The following CNTNAP2 variants were observed in gnomAD, a reference collection of about 807,000 sequenced individuals.
CNTNAP2 encodes the protein contactin associated protein 2.
CNTNAP2 carries 98 observed loss-of-function variants against 155.2 expected under a neutral mutation model. The ratio of observed to expected loss-of-function variants is 0.63; its 90% CI spans 0.54 to 0.75. The LOEUF is 0.75. Ranked by LOEUF, CNTNAP2 falls within the 30% of genes least tolerant of loss-of-function variation. The probability of loss-of-function intolerance (pLI) is 0.00; values close to 1 mark genes in which losing one functional copy is unlikely to be tolerated. For synonymous variants in CNTNAP2, 651 were observed against 631.2 expected, an observed-to-expected ratio of 1.03 and a Z score of -0.47; for missense variants, 1,727 against 1,688.1, an observed-to-expected ratio of 1.02 and a Z score of -0.40.
chr7:146,936,822 C>T (rs910559999), intron 3 of CNTNAP2, among the ~76,000 whole-genome samples: 6 of 152,168 alleles, frequency 3.9e-5, no homozygotes, highest in Non-Finnish European at 7.3e-5. Flanking sequence ...TTCTGTAGGC[C>T]ACTTCCCTTT....
intron 8 of CNTNAP2, among the ~76,000 whole-genome samples, chr7:147,280,440 G>A (rs1299291776): frequency 2.6e-5 from 4 of 151,866 alleles, no homozygotes; most frequent in East Asian, 1.9e-4. Flanking sequence ...ACTCGTTTAC[G>A]AAAATGCCAA....
intron 15 of CNTNAP2, among the ~76,000 whole-genome samples, chr7:148,055,128 C>A (rs1802983051): frequency 6.6e-6 from 1 of 152,166 alleles, no homozygotes; most frequent in Admixed American, 6.5e-5. Context: ...AGGTGATCTG[C>A]CTGCCTCGGC....
chr7:147,291,349 T>A (rs1205811823), intron 8 of CNTNAP2, among the ~76,000 whole-genome samples: 1 of 152,054 alleles, frequency 6.6e-6, no homozygotes, highest in Non-Finnish European at 1.5e-5. Context: ...GGCCCCGGTG[T>A]GTGATGTTCC....
chr7:147,211,540 G>A (rs1803146023), intron 8 of CNTNAP2, among the ~76,000 whole-genome samples: 1 of 151,910 alleles, frequency 6.6e-6, no homozygotes. Context: ...TCTTTGACAA[G>A]TCACCAAAAA....
intron 13 of CNTNAP2, among the ~76,000 whole-genome samples, chr7:147,732,483 G>T (rs1383834606): frequency 2.0e-5 from 3 of 152,048 alleles, no homozygotes; most frequent in Non-Finnish European, 4.4e-5. Flanking sequence ...TGTGAATAGT[G>T]CCACAATAAA....
intron 18 of CNTNAP2, among the ~76,000 whole-genome samples, chr7:148,210,412 T>C (rs78285717): frequency 0.021 from 3,175 of 152,294 alleles, 53 homozygotes; most frequent in Non-Finnish European, 0.035. Context: ...ACCCAGGAAA[T>C]TCTATAATAG....
intron 12 of CNTNAP2, among the ~76,000 whole-genome samples, chr7:147,616,682 T>C (rs1386305397): frequency 6.6e-6 from 1 of 152,146 alleles, no homozygotes; most frequent in Non-Finnish European, 1.5e-5. Flanking sequence ...TCCTTCCACT[T>C]ACCAAGCTTT....
At chr7:146,309,317 A>G (rs1262202073) in intron 1 of CNTNAP2, among the ~76,000 whole-genome samples, 1 of 152,108 alleles carries the variant, frequency 6.6e-6, no homozygotes, top group Non-Finnish European at 1.5e-5. Flanking sequence ...TGTGTCCTGA[A>G]GAAGGGGTCT....
chr7:146,526,822 T>C (rs1275790118), intron 1 of CNTNAP2, among the ~76,000 whole-genome samples: 1 of 152,198 alleles, frequency 6.6e-6, no homozygotes, highest in East Asian at 1.9e-4. Flanking sequence ...ATTTAAATAT[T>C]TTAAGACTCA....
At chr7:148,349,907 A>G (rs151205407) in intron 21 of CNTNAP2, among the ~76,000 whole-genome samples, 7 of 152,330 alleles carry the variant, frequency 4.6e-5, no homozygotes, top group Non-Finnish European at 1.0e-4. Flanking sequence ...AGCTGAGGTC[A>G]TAGAGGAGGC....
intron 14 of CNTNAP2, among the ~76,000 whole-genome samples, chr7:147,927,366 T>C: frequency 6.6e-6 from 1 of 152,220 alleles, no homozygotes; most frequent in East Asian, 1.9e-4. Context: ...TATTAGTAGC[T>C]AAATAGGGTT....
chr7:148,325,859 C>T (rs893801120), intron 21 of CNTNAP2, among the ~76,000 whole-genome samples: 7 of 152,082 alleles, frequency 4.6e-5, no homozygotes, highest in African/African-American at 1.7e-4. Flanking sequence ...TTCCCCAGGC[C>T]CAAGGAGCAC....
chr7:146,582,068 C>T lies in CNTNAP2; in HGVS notation c.98-192203C>T, dbSNP rs146037214. 4.8e-3 allele frequency among the ~76,000 whole-genome samples: 723 copies of T among 152,146 alleles called. 5 individuals are homozygous for T. Among genetic ancestry groups the T allele is most frequent in the African/African-American group, 0.016 (672 of 41,532 alleles). On this transcript the variant is annotated intron_variant, in intron 1 of 23. Coordinates refer to ENST00000361727, the MANE Select transcript of CNTNAP2 (RefSeq NM_014141.6). ...AAGATTTCTGTTCCCTCTAAAGAAG[C>T]CCTTTCTAGAACTCTAGTGAAAGTT...
chr7:147,264,375 G>A (rs1003719568), intron 8 of CNTNAP2, among the ~76,000 whole-genome samples: 9 of 151,968 alleles, frequency 5.9e-5, no homozygotes, highest in African/African-American at 1.9e-4. Flanking sequence ...TAGTGTCAAT[G>A]TGTTTTTAGA....
At chr7:147,826,660 C>T (rs1798455459) in intron 13 of CNTNAP2, among the ~76,000 whole-genome samples, 1 of 152,146 alleles carries the variant, frequency 6.6e-6, no homozygotes, top group Non-Finnish European at 1.5e-5. Context: ...AGACTTCAAA[C>T]TCAATTCACT....
At chr7:148,229,322 G>A (rs1795917168) in intron 19 of CNTNAP2, among the ~76,000 whole-genome samples, 1 of 152,120 alleles carries the variant, frequency 6.6e-6, no homozygotes, top group South Asian at 2.1e-4. Context: ...TCAGAATTTC[G>A]AGACCAGCCT....
intron 1 of CNTNAP2, among the ~76,000 whole-genome samples, chr7:146,579,062 G>T (rs1018954083): frequency 1.3e-5 from 2 of 151,900 alleles, no homozygotes; most frequent in African/African-American, 2.4e-5. Flanking sequence ...ATATGTTTTT[G>T]CTGGGAAAAA....
chr7:146,686,971 C>A (rs1800611660), intron 1 of CNTNAP2, among the ~76,000 whole-genome samples: 1 of 152,148 alleles, frequency 6.6e-6, no homozygotes, highest in Non-Finnish European at 1.5e-5. Flanking sequence ...GATGATATTT[C>A]TTTAATCAAT....
chr7:147,708,738 G>A (rs955426798), intron 13 of CNTNAP2, among the ~76,000 whole-genome samples: 55 of 152,154 alleles, frequency 3.6e-4, no homozygotes, highest in Non-Finnish European at 2.9e-5. Context: ...CAAGCAGGCA[G>A]CCTCACTTCC....
Sources: allele counts gnomAD v4.1 joint callset (sites outside exome capture counted in the v4.1 genomes callset), GRCh38; gene constraint gnomAD v4.1.1; transcripts MANE v1.5; gene names NCBI Gene and HGNC (gene_info 2026-07-23, HGNC 2026-07-21).